DLC1: variants seen among roughly 807,000 people sequenced by gnomAD.
The protein encoded by DLC1 is rho GTPase-activating protein 7.
DLC1 carries 54 observed loss-of-function variants against 140.3 expected under a neutral mutation model. The ratio of observed to expected loss-of-function variants is 0.38; its 90% CI spans 0.31 to 0.48. The LOEUF is 0.48. Among genes scored for constraint, DLC1 ranks in the 20% least tolerant of loss-of-function variants. The probability of loss-of-function intolerance (pLI) is 0.96; values close to 1 mark genes in which losing one functional copy is unlikely to be tolerated. For missense variants in DLC1, 2,536 were observed against 1,907.0 expected (o/e 1.33, Z -6.14); for synonymous variants, 986 against 728.1 (o/e 1.35, Z -5.70).
intron 5 of DLC1, among the ~76,000 whole-genome samples, chr8:13,183,521 A>C (rs976967285): frequency 1.3e-5 from 2 of 152,214 alleles, no homozygotes; most frequent in African/African-American, 4.8e-5. Flanking sequence ...GGTTTTTAGC[A>C]TGAAGGGCTG....
intron 1 of DLC1, among the ~76,000 whole-genome samples, chr8:13,597,083 A>G (rs1230582483): frequency 6.6e-6 from 1 of 151,926 alleles, no homozygotes; most frequent in Non-Finnish European, 1.5e-5. Flanking sequence ...TTTTCATCTC[A>G]ATATGTCCAC....
In DLC1 at chr8:13,499,387, C is replaced by G; in HGVS notation, c.685G>C (p.Ala229Pro). 3.7e-6 allele frequency: 6 copies of G among 1,613,810 alleles called. No individual in the cohort carries two copies. The highest frequency in any genetic ancestry group is 4.2e-6 in the Non-Finnish European group (5 of 1,179,962). ...IAPEKQLLNS[A>P]VIAQQRRKPD... ...TTCCTTCGTTGCTGAGCAATTACAG[C>G]AGAGTTAAGCAATTGTTTCTCAGGT... The change falls in exon 2 of 18, where the codon GCT becomes CCT. Residue 229 changes from alanine (A) to proline (P), a missense_variant. Transcript: ENST00000276297.
At chr8:13,173,761 G>C (rs925945130) in intron 5 of DLC1, among the ~76,000 whole-genome samples, 1 of 152,140 alleles carries the variant, frequency 6.6e-6, no homozygotes, top group Non-Finnish European at 1.5e-5. Context: ...GATTTCGAAT[G>C]GTTTGAGAGT....
rs377686131 is a variant in DLC1 at position 13,091,038 on chromosome 8, G to T, written c.3855+280C>A. ...GCCCGGGTTGGTCTTGAACTCCGGA[G>T]CTCAAGTGATCCACCCACCTCAGCC... On this transcript the variant is annotated intron_variant, in intron 14 of 17. Coordinates refer to ENST00000276297, the MANE Select transcript of DLC1 (RefSeq NM_182643.3). Among the ~76,000 whole-genome samples, 340 of 152,084 alleles carry T rather than the reference G, an allele frequency of 2.2e-3. 1 individual carries two copies. Among genetic ancestry groups the T allele is most frequent in the African/African-American group, 8.0e-3 (330 of 41,492 alleles).
At chr8:13,096,946 T>A (rs1397385453) in intron 10 of DLC1, among the ~76,000 whole-genome samples, 1 of 152,138 alleles carries the variant, frequency 6.6e-6, no homozygotes, top group East Asian at 1.9e-4. Flanking sequence ...GAGATGTCAA[T>A]CTAGAAACAT....
At chr8:13,582,868 A>G (rs1805157374) in intron 1 of DLC1, among the ~76,000 whole-genome samples, 1 of 122,540 alleles carries the variant, frequency 8.2e-6, no homozygotes, top group African/African-American at 3.0e-5. Context: ...TGTTTACAAT[A>G]TACTGTGGTC....
At chr8:13,516,174 G>C (rs1317559332), upstream of DLC1, among the ~76,000 whole-genome samples, 2 of 151,552 alleles carry the variant, frequency 1.3e-5, no homozygotes, top group African/African-American at 4.9e-5. Flanking sequence ...TTTTGGGGGG[G>C]GACTGATGAT....
chr8:13,177,618 A>C (rs951803023), intron 5 of DLC1, among the ~76,000 whole-genome samples: 1 of 152,252 alleles, frequency 6.6e-6, no homozygotes, highest in Non-Finnish European at 1.5e-5. Flanking sequence ...TTTGAAGGAC[A>C]TAACATACAG....
Position 13,453,527 on chromosome 8 carries a change from TGTATATATATACATATATATATATA to T in DLC1, c.1023+45497_1023+45521del, listed in dbSNP as rs1799245462. On this transcript the variant is annotated intron_variant, in intron 2 of 17. Transcript: ENST00000276297. Reference sequence around the variant, plus strand: ...GTATATATATATACATATATATATATGTATATATATACATATATATATATATATATTTTTTTTTTTTTTTTTTCAG... The same window carrying T: ...GTATATATATATACATATATATATATTATATTTTTTTTTTTTTTTTTTCAG... Among the ~76,000 whole-genome samples the T allele has an allele frequency of 3.1e-4, 17 of 55,492 alleles. 1 individual carries two copies. Among genetic ancestry groups the T allele is most frequent in the African/African-American group, 1.5e-3 (16 of 10,702 alleles). 36.4% of individuals were successfully genotyped at this position (55,492 alleles called of 152,430 possible).
chr8:13,208,151 C>A (rs1827765375), intron 5 of DLC1, among the ~76,000 whole-genome samples: 1 of 152,098 alleles, frequency 6.6e-6, no homozygotes, highest in Admixed American at 6.6e-5. Flanking sequence ...TTAAGGCTGG[C>A]TTCTGTTTTT....
intron 5 of DLC1, among the ~76,000 whole-genome samples, chr8:13,260,237 G>A (rs1259834099): frequency 6.6e-6 from 1 of 152,220 alleles, no homozygotes; most frequent in African/African-American, 2.4e-5. Flanking sequence ...CAGTGAAGAG[G>A]GCAGTGGAAT....
chr8:13,386,759 T>C (rs929655255), intron 4 of DLC1, among the ~76,000 whole-genome samples: 6 of 152,044 alleles, frequency 3.9e-5, no homozygotes, highest in African/African-American at 1.4e-4. Flanking sequence ...CTAGGAAATA[T>C]CACATTATAA....
intron 2 of DLC1, among the ~76,000 whole-genome samples, chr8:13,408,105 T>C (rs1054631221): frequency 6.6e-6 from 1 of 152,218 alleles, no homozygotes; most frequent in Non-Finnish European, 1.5e-5. Context: ...TCTTAATTTT[T>C]ATTCCACTGT....
At chr8:13,273,389 T>C (rs1458133374) in intron 5 of DLC1, among the ~76,000 whole-genome samples, 1 of 152,116 alleles carries the variant, frequency 6.6e-6, no homozygotes, top group African/African-American at 2.4e-5. Flanking sequence ...ACAGAGTACC[T>C]TGGGGTTGGG....
intron 5 of DLC1, among the ~76,000 whole-genome samples, chr8:13,246,978 A>T (rs561856530): frequency 8.5e-4 from 130 of 152,256 alleles, no homozygotes; most frequent in Non-Finnish European, 1.6e-3. Flanking sequence ...CAAAACCCAG[A>T]CTGAGTGTCT....
chr8:13,395,410 G>A (rs942872929), intron 3 of DLC1, among the ~76,000 whole-genome samples: 61 of 152,132 alleles, frequency 4.0e-4, no homozygotes, highest in Admixed American at 9.2e-4. Context: ...ATGAGCCACC[G>A]CACCCAGCCT....
chr8:13,338,646 C>T (rs1833903085), intron 4 of DLC1: 1 of 152,134 alleles, frequency 6.6e-6, no homozygotes, highest in African/African-American at 2.4e-5. Context: ...TCTGAGAAGT[C>T]TATTTCCCAT....
At chr8:13,234,130 T>G (rs1829176764) in intron 5 of DLC1, among the ~76,000 whole-genome samples, 1 of 152,190 alleles carries the variant, frequency 6.6e-6, no homozygotes, top group African/African-American at 2.4e-5. Flanking sequence ...TAAAGCAAGA[T>G]AGTAACAACT....
At position 13,209,205 on chromosome 8, in the gene DLC1, A is replaced by T. The variant is rs146403955; in HGVS notation, c.1349-93548T>A. On this transcript the variant is annotated intron_variant, in intron 5 of 17. Coordinates refer to ENST00000276297, the MANE Select transcript of DLC1 (RefSeq NM_182643.3). ...GCTATTTGATATATATTGATGTATG[A>T]TGTTTGTCTGTGACTATCAACCTAT... Among the ~76,000 whole-genome samples, 142 of 152,264 alleles carry T rather than the reference A, an allele frequency of 9.3e-4. 1 individual carries two copies. Among genetic ancestry groups the T allele is most frequent in the East Asian group, 7.3e-3 (38 of 5,184 alleles).
Sources: allele counts gnomAD v4.1 joint callset (sites outside exome capture counted in the v4.1 genomes callset), GRCh38; gene constraint gnomAD v4.1.1; transcripts MANE v1.5; gene names NCBI Gene and HGNC (gene_info 2026-07-23, HGNC 2026-07-21).